The following DOCK3 variants were observed in gnomAD, a reference collection of about 807,000 sequenced individuals.
DOCK3 encodes dedicator of cytokinesis 3, also known as dedicator of cytokinesis protein 3.
A neutral mutation model predicts 265.6 loss-of-function variants in DOCK3; 60 were observed. The observed-to-expected ratio is 0.23, with a 90% CI of 0.18 to 0.28. The LOEUF (loss-of-function observed/expected upper bound fraction) is 0.28. Ranked by LOEUF, DOCK3 falls within the 10% of genes least tolerant of loss-of-function variation. The pLI is 1.00. For missense variants in DOCK3, 1,981 were observed against 2,594.3 expected, an observed-to-expected ratio of 0.76 and a Z score of 5.14; for synonymous variants, 881 against 938.0, an observed-to-expected ratio of 0.94 and a Z score of 1.11.
intron 5 of DOCK3, among the ~76,000 whole-genome samples, chr3:50,966,566 G>T (rs182329261): frequency 1.5e-3 from 147 of 99,758 alleles, no homozygotes; most frequent in Admixed American, 3.2e-3. Flanking sequence ...TTTTACTTTT[G>T]ATTTGCATTT....
intron 27 of DOCK3, among the ~76,000 whole-genome samples, chr3:51,304,018 A>G (rs2082505160): frequency 6.6e-6 from 1 of 152,206 alleles, no homozygotes; most frequent in Non-Finnish European, 1.5e-5. Flanking sequence ...AGGGGGAAAG[A>G]CTAAGTCTGC....
At chr3:51,258,102 C>T (rs1054964663) in intron 22 of DOCK3, among the ~76,000 whole-genome samples, 3 of 152,220 alleles carry the variant, frequency 2.0e-5, no homozygotes, top group African/African-American at 4.8e-5. Context: ...CTCTCATGCC[C>T]AAAAGGTGCA....
At chr3:51,118,770 G>A (rs1375479544) in intron 9 of DOCK3, among the ~76,000 whole-genome samples, 4 of 151,110 alleles carry the variant, frequency 2.6e-5, no homozygotes, top group African/African-American at 9.8e-5. Flanking sequence ...GTTAAAGTCT[G>A]TTTTATCAGA....
At chr3:51,338,274 C>A in intron 35 of DOCK3, 85 bp from the exon 36 acceptor site, 1 of 1,465,668 alleles carries the variant, frequency 6.8e-7, no homozygotes, top group Non-Finnish European at 9.3e-7. Flanking sequence ...TTTGGTCATA[C>A]TAATGCCCCA....
At chr3:51,224,352 A>G (rs2090235215) in intron 14 of DOCK3, among the ~76,000 whole-genome samples, 1 of 152,204 alleles carries the variant, frequency 6.6e-6, no homozygotes, top group African/African-American at 2.4e-5. Context: ...AGACCCTGAA[A>G]TCCTCAAATA....
At chr3:51,358,123 C>A in intron 46 of DOCK3, 46 bp downstream of exon 46, 1 of 1,585,340 alleles carries the variant, frequency 6.3e-7, no homozygotes, top group South Asian at 1.1e-5. Flanking sequence ...AACCAGGTGT[C>A]ACTTCCTCCA....
rs9854946 is a variant in DOCK3 at position 51,044,860 on chromosome 3, C to T, written c.316-19588C>T. Among the ~76,000 whole-genome samples the T allele has an allele frequency of 6.4e-3, 973 of 152,224 alleles. 15 individuals are homozygous for T. Among genetic ancestry groups the T allele is most frequent in the African/African-American group, 0.021 (862 of 41,542 alleles). On this transcript the variant is annotated intron_variant, in intron 5 of 52. Transcript: ENST00000266037. The stretch of plus-strand genomic sequence containing the variant: ...CTTCAGCAGCTTCCCCACCTCTCTT[C>T]GCATTCATAGAATTAAGGAGAATTA...
At position 51,227,454 on chromosome 3, in the gene DOCK3, G is replaced by C; in HGVS notation, c.1540+9G>C. 6.2e-7 allele frequency: 1 copy of C among 1,613,628 alleles called. No individual in the cohort carries two copies. The highest frequency in any genetic ancestry group is 8.5e-7 in the Non-Finnish European group (1 of 1,179,670). Reference sequence around the variant, plus strand: ...GTTCAGACATTGTTCCAGTGAGTTAGACTTCCCCCCCTCCACATTCCCTTG... The same window carrying C: ...GTTCAGACATTGTTCCAGTGAGTTACACTTCCCCCCCTCCACATTCCCTTG... On this transcript the variant is annotated intron_variant, in intron 16 of 52. Transcript: ENST00000266037.
chr3:50,719,304 A>G (rs2037331601), intron 1 of DOCK3, among the ~76,000 whole-genome samples: 1 of 144,508 alleles, frequency 6.9e-6, no homozygotes, highest in Non-Finnish European at 1.5e-5. Flanking sequence ...TCATACTCAT[A>G]AACTTAACTC....
chr3:50,833,559 T>C (rs2045322331), intron 2 of DOCK3, among the ~76,000 whole-genome samples: 1 of 152,148 alleles, frequency 6.6e-6, no homozygotes, highest in Admixed American at 6.5e-5. Flanking sequence ...TTGGGTAAAC[T>C]CATCTCCTCT....
Position 51,358,062 on chromosome 3 carries a change from G to T in DOCK3, c.4869G>T (p.Arg1623=). ...TAATTGATCAGTTCCAGATGATGCG[G>T]GCCAGTCTCTACCATGTAAGTTGAT... ...KKLIDQFQMM[R]ASLYHEFPGL... The change falls in exon 46 of 53, where the codon CGG becomes CGT. Residue 1623 remains arginine, a synonymous_variant. Transcript: ENST00000266037. The T allele has an allele frequency of 6.2e-7, 1 of 1,613,838 alleles. No homozygotes were observed. The highest frequency in any genetic ancestry group is 8.5e-7 in the Non-Finnish European group (1 of 1,179,882).
chr3:51,320,796 G>T (rs566952415), intron 32 of DOCK3, among the ~76,000 whole-genome samples: 5 of 152,278 alleles, frequency 3.3e-5, no homozygotes, highest in Non-Finnish European at 5.9e-5. Flanking sequence ...TCTGGGCAGG[G>T]CATCTCTGAA....
intron 5 of DOCK3, among the ~76,000 whole-genome samples, chr3:50,958,859 G>A (rs1337070631): frequency 6.6e-6 from 1 of 152,216 alleles, no homozygotes; most frequent in Non-Finnish European, 1.5e-5. Context: ...TGTGAGATAT[G>A]TGTTTCACAT....
intron 5 of DOCK3, among the ~76,000 whole-genome samples, chr3:51,020,531 C>T (rs1299979322): frequency 4.0e-5 from 6 of 151,728 alleles, no homozygotes; most frequent in East Asian, 1.9e-4. Context: ...GTTTTCATCA[C>T]GAAATCTTTG....
At chr3:51,072,461 G>A (rs1447511103) in intron 6 of DOCK3, among the ~76,000 whole-genome samples, 1 of 151,862 alleles carries the variant, frequency 6.6e-6, no homozygotes, top group East Asian at 1.9e-4. Flanking sequence ...AGACGGGAGT[G>A]TGGTGGCATG....
chr3:51,233,350 C>T (rs4028195), intron 19 of DOCK3, among the ~76,000 whole-genome samples: 9,159 of 23,696 alleles, frequency 0.39, 779 homozygotes, highest in East Asian at 0.58. Context: ...ATCTATCTAT[C>T]TATCTATCTA....
At chr3:51,044,185 C>T (rs935516760) in intron 5 of DOCK3, among the ~76,000 whole-genome samples, 1 of 152,088 alleles carries the variant, frequency 6.6e-6, no homozygotes, top group South Asian at 2.1e-4. Flanking sequence ...CCTAAATGTC[C>T]ATCAGTGATA....
Position 51,336,002 on chromosome 3 carries a change from AAAAAG to A in DOCK3, c.3612-2342_3612-2338del, listed in dbSNP as rs1208144201. Among the ~76,000 whole-genome samples the A allele has an allele frequency of 2.7e-3, 409 of 152,014 alleles. 3 individuals carry two copies. Among genetic ancestry groups the A allele is most frequent in the African/African-American group, 8.7e-3 (362 of 41,452 alleles). ...ATGAGACCCTGTCTCAAAAAAAAAA[AAAAAG>A]AAAAGAAAAGAAAAAGAAAATAGTT... On this transcript the variant is annotated intron_variant, in intron 35 of 52. Coordinates refer to ENST00000266037, the MANE Select transcript of DOCK3 (RefSeq NM_004947.5).
chr3:51,071,793 C>A (rs2081879672), intron 6 of DOCK3, among the ~76,000 whole-genome samples: 1 of 152,116 alleles, frequency 6.6e-6, no homozygotes, highest in Non-Finnish European at 1.5e-5. Context: ...GTTCACTATT[C>A]TTCGAGTAAA....
Sources: allele counts gnomAD v4.1 joint callset (sites outside exome capture counted in the v4.1 genomes callset), GRCh38; gene constraint gnomAD v4.1.1; transcripts MANE v1.5; gene names NCBI Gene and HGNC (gene_info 2026-07-23, HGNC 2026-07-21).